MUC3A: variants seen among roughly 807,000 people sequenced by gnomAD.
MUC3A encodes mucin 3A, cell surface associated.
In MUC3A, 109 loss-of-function variants were observed where a neutral mutation model predicts 109.0. The ratio of observed to expected loss-of-function variants is 1.00; its 90% CI spans 0.86 to 1.17. MUC3A has a LOEUF of 1.17. Ranked by LOEUF, MUC3A falls within the 50% of genes most tolerant of loss-of-function variation. The probability of loss-of-function intolerance (pLI) is 0.00; values close to 1 mark genes in which losing one functional copy is unlikely to be tolerated. For synonymous variants in MUC3A, 1,398 were observed against 981.4 expected (o/e 1.42, Z -7.93); for missense variants, 3,537 against 2,469.4 (o/e 1.43, Z -9.16).
At chr7:100,964,561 T>C in intron 5 of MUC3A, 134 bp from the exon 6 acceptor site, 1 of 1,392,122 alleles carries the variant, frequency 7.2e-7, no homozygotes, top group Admixed American at 2.5e-5. Flanking sequence ...CTGAAAAGGA[T>C]GCACGTGGCA....
Position 100,954,808 on chromosome 7 carries a change from T to C in MUC3A, c.3029T>C (p.Val1010Ala). The C allele has an allele frequency of 2.5e-6, 1 of 404,812 alleles. No homozygotes were observed. 25.1% of individuals were successfully genotyped at this position (404,812 alleles called of 1,614,324 possible). ...LTTAMTSPPP[V>A]SSSITPTNTM... ...ACAGCCATGACTTCTCCTCCCCCCG[T>C]CAGTTCTTCAATCACTCCCACCAAT... The change falls in exon 2 of 12, where the codon GTC becomes GCC. Residue 1010 changes from valine to alanine, a missense_variant. Val to Ala is a moderately conservative substitution (Grantham distance 64, BLOSUM62 0). Coordinates refer to ENST00000379458, the MANE Select transcript of MUC3A (RefSeq NM_005960.2).
At position 100,959,126 on chromosome 7, in the gene MUC3A, C is replaced by T. The variant is rs770524471; in HGVS notation, c.7347C>T (p.Tyr2449=). 1.0e-5 allele frequency: 16 copies of T among 1,593,496 alleles called. No homozygotes were observed. The highest frequency in any genetic ancestry group is 3.4e-6 in the Non-Finnish European group (4 of 1,177,714). The stretch of plus-strand genomic sequence containing the variant: ...CCAGCCTCAGTTCTTCAACCATCTA[C>T]TCCACAGTCAGCACATCCACAACTG... ...STPSLSSSTI[Y]STVSTSTTAI... Residue 2449 remains tyrosine (Y), a synonymous_variant, in exon 2 of 12, where the codon TAC becomes TAT. Transcript: ENST00000379458.
chr7:100,959,272 G>T lies in MUC3A; in HGVS notation c.7493G>T (p.Gly2498Val), dbSNP rs201895111. Residue 2498 changes from glycine to valine, a missense_variant, in exon 2 of 12, where the codon GGC becomes GTC. By Grantham distance (109) the Gly-to-Val change is moderately radical. Coordinates refer to ENST00000379458, the MANE Select transcript of MUC3A (RefSeq NM_005960.2). Reference protein sequence around the residue: ...SLRTLTPSSVGTSTSLTTTTD... With the variant: ...SLRTLTPSSVVTSTSLTTTTD... Reference sequence around the variant, plus strand: ...CGAACTCTCACCCCTTCGTCTGTGGGCACCAGCACTTCATTGACTACAACC... The same window carrying T: ...CGAACTCTCACCCCTTCGTCTGTGGTCACCAGCACTTCATTGACTACAACC... The T allele has an allele frequency of 6.9e-7, 1 of 1,458,002 alleles. No homozygotes were observed. The highest frequency in any genetic ancestry group is 2.4e-5 in the East Asian group (1 of 41,216). 90.3% of individuals were successfully genotyped at this position (1,458,002 alleles called of 1,614,324 possible).
In MUC3A at chr7:100,960,506, A is replaced by G. The variant is rs778473623; in HGVS notation, c.8727A>G (p.Ser2909=). ...CCATCCTGAGGACTTCAAGCAAGTC[A>G]ACACACCCCTCCCCACCCACCACTA... The part of the protein sequence containing the change: ...LPTILRTSSK[S]THPSPPTTRT... Residue 2909 remains serine, a synonymous_variant, in exon 2 of 12, where the codon TCA becomes TCG. Coordinates refer to ENST00000379458, the MANE Select transcript of MUC3A (RefSeq NM_005960.2). 1 of 1,598,710 alleles carries G rather than the reference A, an allele frequency of 6.3e-7. No homozygotes were observed. Among genetic ancestry groups the G allele is most frequent in the Non-Finnish European group, 8.5e-7 (1 of 1,179,824 alleles).
chr7:100,951,662 G>A (rs567023302), intron 1 of MUC3A, among the ~76,000 whole-genome samples, 179 bp from the exon 2 acceptor site: 5 of 152,416 alleles, frequency 3.3e-5, no homozygotes, highest in South Asian at 4.1e-4. Flanking sequence ...ACAGGCAGTC[G>A]TCTCCAGCAC....
Position 100,956,698 on chromosome 7 carries a change from C to T in MUC3A, c.4919C>T (p.Pro1640Leu). 2 of 414,454 alleles carry T rather than the reference C, an allele frequency of 4.8e-6. No individual in the cohort carries two copies. Among genetic ancestry groups the T allele is most frequent in the Non-Finnish European group, 4.2e-6 (1 of 236,862 alleles). 25.7% of individuals were successfully genotyped at this position (414,454 alleles called of 1,614,324 possible). The stretch of plus-strand genomic sequence containing the variant: ...TCTGCTACCACTCCCAGTGGAGGAC[C>T]AACTTTCACAAGTACTGAGAACACT... ...MMSATTPSGG[P>L]TFTSTENTPT... Residue 1640 changes from proline to leucine, a missense_variant, in exon 2 of 12, where the codon CCA becomes CTA. Physicochemically the swap from Pro to Leu is moderately conservative, Grantham distance 98. Coordinates refer to ENST00000379458, the MANE Select transcript of MUC3A (RefSeq NM_005960.2).
chr7:100,958,134 A>G lies in MUC3A; in HGVS notation c.6355A>G (p.Met2119Val). Residue 2119 changes from methionine to valine, a missense_variant, in exon 2 of 12, where the codon ATG becomes GTG. Coordinates refer to ENST00000379458, the MANE Select transcript of MUC3A (RefSeq NM_005960.2). ...SFTSSITTSEMPSHSTPSFTS... is the reference protein window; with the variant it reads ...SFTSSITTSEVPSHSTPSFTS... ...CACTTCCTCAATCACCACCTCTGAGATGCCCTCACACAGTACTCCCAGCTT... is the reference window on the plus strand; with the variant it reads ...CACTTCCTCAATCACCACCTCTGAGGTGCCCTCACACAGTACTCCCAGCTT... 8.0e-7 allele frequency: 1 copy of G among 1,248,534 alleles called. No homozygotes were observed. The highest frequency in any genetic ancestry group is 1.7e-5 in the Admixed American group (1 of 58,164). The allele number at this position is 1,248,534 out of a possible 1,614,324, so 77.3% of individuals were successfully genotyped here.
Position 100,967,600 on chromosome 7 carries a change from C to G in MUC3A, c.*438C>G, listed in dbSNP as rs587662740. ...GGTCTCTGGCCCTGGTTCTTATTTT[C>G]TCTCAATTCCCTACTGCCTGTTTCT... On this transcript the variant is annotated 3_prime_UTR_variant, in exon 12 of 12. Transcript: ENST00000379458. The G allele has an allele frequency of 9.0e-6, 3 of 335,194 alleles. No individual in the cohort carries two copies. In the Admixed American group the frequency reaches 1.4e-4, roughly 15 times the overall value. The allele number at this position is 335,194 out of a possible 1,614,324, so 20.8% of individuals were successfully genotyped here. A position where few individuals can be genotyped will look rare whatever the true frequency, so the allele number is the denominator to read the frequency against.
chr7:100,965,107 T>TAAAG (rs1792480830), intron 6 of MUC3A, 175 bp from the exon 7 acceptor site: 4 of 1,085,484 alleles, frequency 3.7e-6, no homozygotes, highest in Non-Finnish European at 5.2e-6. Context: ...TCAGGGGAGA[T>TAAAG]GAGGCAGGCA....
rs915708296 is a variant in MUC3A at position 100,949,826 on chromosome 7, G to T, written c.61+141G>T. ...GGGCTCTGGGTGCAGGGAGAACCGA[G>T]GCACGGCCTGACTGGGGGAGGGGGC... is the stretch of plus-strand genomic sequence containing the variant. On this transcript the variant is annotated intron_variant, in intron 1 of 11. Transcript: ENST00000379458. The T allele has an allele frequency of 2.9e-5, 20 of 684,606 alleles. No individual in the cohort carries two copies. The East Asian group carries it at 7.3e-4, about 25-fold the overall frequency. The allele number at this position is 684,606 out of a possible 1,614,324, so 42.4% of individuals were successfully genotyped here.
intron 5 of MUC3A, chr7:100,964,489 T>C (rs1792454514): frequency 4.0e-6 from 3 of 747,946 alleles, no homozygotes; most frequent in South Asian, 2.5e-5. Context: ...AAGTCAATCA[T>C]GTCAGTCATT....
rs1435562160 is a variant in MUC3A, at chr7:100,962,247, A to AC, written c.9053-904_9053-903insC. On this transcript the variant is annotated intron_variant, in intron 3 of 11. Coordinates refer to ENST00000379458, the MANE Select transcript of MUC3A (RefSeq NM_005960.2). ...ACTCCGTCTCAAAAAAAAAAAAAAAAAAAAAAAAAAAAAAAAAAAACTTAC... is the reference window on the plus strand; with the variant it reads ...ACTCCGTCTCAAAAAAAAAAAAAAAACAAAAAAAAAAAAAAAAAAAACTTAC... Among the ~76,000 whole-genome samples the AC allele has an allele frequency of 2.5e-3, 13 of 5,256 alleles. 3 individuals carry two copies. Among genetic ancestry groups the AC allele is most frequent in the Non-Finnish European group, 7.2e-3 (13 of 1,816 alleles). 3.4% of individuals were successfully genotyped at this position (5,256 alleles called of 152,430 possible). A position where few individuals can be genotyped will look rare whatever the true frequency, so the allele number is the denominator to read the frequency against.
Position 100,954,920 on chromosome 7 carries a change from AC to A in MUC3A, c.3143del (p.Pro1048LeufsTer7). On this transcript the variant is annotated frameshift_variant, in exon 2 of 12. Coordinates refer to ENST00000379458, the MANE Select transcript of MUC3A (RefSeq NM_005960.2). LOFTEE classifies it high-confidence loss of function. ...PLTSSILSST[P>X]VPSTEMITSH... ...TCACCAGTAGCATTTTATCTTCTAC[AC>A]CTGTCCCAAGCACAGAAATGATCAC... is the stretch of plus-strand genomic sequence containing the variant. 2.4e-6 allele frequency: 1 copy of A among 415,340 alleles called. No individual in the cohort carries two copies. Among genetic ancestry groups the A allele is most frequent in the East Asian group, 3.4e-5 (1 of 29,100 alleles). The allele number at this position is 415,340 out of a possible 1,614,324, so 25.7% of individuals were successfully genotyped here. A position where few individuals can be genotyped will look rare whatever the true frequency, so the allele number is the denominator to read the frequency against.
rs765975755 is a variant in MUC3A at position 100,967,208 on chromosome 7, CA to C, written c.*48del. The C allele has an allele frequency of 6.3e-7, 1 of 1,597,822 alleles. No individual in the cohort carries two copies. Among genetic ancestry groups the C allele is most frequent in the South Asian group, 1.1e-5 (1 of 90,906 alleles). The stretch of plus-strand genomic sequence containing the variant: ...CACCCCCTCCGCCCTGCCCCGGACA[CA>C]AGGGTCTGCATTGCGTCCATTTCAA... On this transcript the variant is annotated 3_prime_UTR_variant, in exon 12 of 12. Coordinates refer to ENST00000379458, the MANE Select transcript of MUC3A (RefSeq NM_005960.2).
chr7:100,967,281 G>C lies in MUC3A; in HGVS notation c.*119G>C. ...CAGCCCAGGCTCCTGCTGTTCTTGGGCAAGATGAGACTGTTCCCCCAAATC... is the reference window on the plus strand; with the variant it reads ...CAGCCCAGGCTCCTGCTGTTCTTGGCCAAGATGAGACTGTTCCCCCAAATC... On this transcript the variant is annotated 3_prime_UTR_variant, in exon 12 of 12. Transcript: ENST00000379458. 1 of 1,478,374 alleles carries C rather than the reference G, an allele frequency of 6.8e-7. No individual in the cohort carries two copies. The highest frequency in any genetic ancestry group is 9.1e-7 in the Non-Finnish European group (1 of 1,093,622). 91.6% of individuals were successfully genotyped at this position (1,478,374 alleles called of 1,614,324 possible).
rs1196321076 is a variant in MUC3A, at chr7:100,959,513, A to C, written c.7734A>C (p.Thr2578=). The C allele has an allele frequency of 6.3e-7, 1 of 1,589,048 alleles. No individual in the cohort carries two copies. The highest frequency in any genetic ancestry group is 1.3e-5 in the African/African-American group (1 of 74,618). The change falls in exon 2 of 12, where the codon ACA becomes ACC. Residue 2578 remains threonine, a synonymous_variant. Coordinates refer to ENST00000379458, the MANE Select transcript of MUC3A (RefSeq NM_005960.2). ...TSIVVIPETP[T]QTPPVLTSAT... Reference sequence around the variant, plus strand: ...TTGTTGTTATACCTGAAACCCCAACACAGACCCCTCCTGTACTGACGTCAG... The same window carrying C: ...TTGTTGTTATACCTGAAACCCCAACCCAGACCCCTCCTGTACTGACGTCAG...
chr7:100,964,914 G>T, intron 6 of MUC3A, 71 bp downstream of exon 6: 1 of 1,520,240 alleles, frequency 6.6e-7, no homozygotes, highest in Non-Finnish European at 8.8e-7. Flanking sequence ...CAGCCAGGGG[G>T]CCACTGGGCT....
chr7:100,953,969 C>G lies in MUC3A; in HGVS notation c.2190C>G (p.Thr730=). 4.6e-6 allele frequency: 2 copies of G among 435,108 alleles called. No homozygotes were observed. Among genetic ancestry groups the G allele is most frequent in the Non-Finnish European group, 8.0e-6 (2 of 249,036 alleles). The allele number at this position is 435,108 out of a possible 1,614,324, so 27.0% of individuals were successfully genotyped here. A position where few individuals can be genotyped will look rare whatever the true frequency, so the allele number is the denominator to read the frequency against. Residue 730 remains threonine, a synonymous_variant, in exon 2 of 12, where the codon ACC becomes ACG. Transcript: ENST00000379458. ...TNSTTEITYP[T]TMTETSSTAT... is the part of the protein sequence containing the mutation. The stretch of plus-strand genomic sequence containing the variant: ...CCACGACGGAAATCACCTATCCCAC[C>G]ACTATGACAGAGACATCATCCACTG...
In MUC3A at chr7:100,959,941, A is replaced by G. The variant is rs1432766694; in HGVS notation, c.8162A>G (p.Asn2721Ser). The change falls in exon 2 of 12, where the codon AAT becomes AGT. Residue 2721 changes from asparagine (N) to serine (S), a missense_variant. Physicochemically the swap from Asn to Ser is conservative, Grantham distance 46 (BLOSUM62 1). Coordinates refer to ENST00000379458, the MANE Select transcript of MUC3A (RefSeq NM_005960.2). ...TCACCATACATTTTCAGTACAGAAAATGTGGGCTCCGCTTCTATCACAGGC... is the reference window on the plus strand; with the variant it reads ...TCACCATACATTTTCAGTACAGAAAGTGTGGGCTCCGCTTCTATCACAGGC... Reference protein sequence around the residue: ...PSSPYIFSTENVGSASITGFP... With the variant: ...PSSPYIFSTESVGSASITGFP... The G allele has an allele frequency of 3.3e-6, 5 of 1,511,098 alleles. No individual in the cohort carries two copies. The highest frequency in any genetic ancestry group is 2.2e-5 in the Admixed American group (1 of 44,914). 93.6% of individuals were successfully genotyped at this position (1,511,098 alleles called of 1,614,324 possible).
Sources: gnomAD v4.1 joint callset for allele counts (sites outside exome capture counted in the v4.1 genomes callset) on GRCh38, gnomAD v4.1.1 for gene constraint, MANE v1.5 for transcripts, NCBI Gene and HGNC (gene_info 2026-07-23, HGNC 2026-07-21) for gene names.